The following FCSK variants were observed in gnomAD, a reference collection of about 807,000 sequenced individuals.
FCSK encodes the protein L-fucose kinase.
FCSK carries 123 observed loss-of-function variants against 122.5 expected under a neutral mutation model. That is an observed-to-expected ratio of 1.00 (90% CI 0.87 to 1.17). The LOEUF is 1.17. Among genes scored for constraint, FCSK ranks in the 50% most tolerant of loss-of-function variants. FCSK has a pLI of 0.00. For missense variants in FCSK, 1,366 were observed against 1,450.4 expected, an observed-to-expected ratio of 0.94 and a Z score of 0.95; for synonymous variants, 620 against 625.5, an observed-to-expected ratio of 0.99 and a Z score of 0.13.
intron 14 of FCSK, 97 bp downstream of exon 14, chr16:70,472,702 G>C (rs2048666933): frequency 9.6e-7 from 1 of 1,037,664 alleles, no homozygotes; most frequent in Admixed American, 2.5e-5. Context: ...AGCAGCACGG[G>C]CCGTGTTACC....
At position 70,471,243 on chromosome 16, in the gene FCSK, C is replaced by T; in HGVS notation, c.1232C>T (p.Ala411Val). 1.9e-6 allele frequency: 3 copies of T among 1,610,748 alleles called. No homozygotes were observed. Among genetic ancestry groups the T allele is most frequent in the Non-Finnish European group, 2.5e-6 (3 of 1,179,224 alleles). ...VTGLDTAHSK[A>V]LHGRELRDLV... is the part of the protein sequence containing the mutation. ...GGCCTGGATACAGCCCACTCCAAGG[C>T]CCTGCATGGCCGGGAGCTGCGTGAC... Residue 411 changes from alanine (A) to valine (V), a missense_variant, in exon 13 of 24, where the codon GCC becomes GTC. Ala to Val is a moderately conservative substitution (Grantham distance 64). Coordinates refer to ENST00000288078, the MANE Select transcript of FCSK (RefSeq NM_145059.3).
chr16:70,458,351 G>T (rs763232215), intron 1 of FCSK, among the ~76,000 whole-genome samples: 10 of 151,260 alleles, frequency 6.6e-5, no homozygotes, highest in Non-Finnish European at 1.3e-4. Flanking sequence ...GTAGAGATGG[G>T]GTTTCACCAT....
rs1324343235 is a variant in FCSK at position 70,471,034 on chromosome 16, C to G, written c.1132C>G (p.Leu378Val). The part of the protein sequence containing the change: ...VSCLLEGPVQ[L>V]GPGSVLQHCH... ...CTGCCTGCTGGAGGGCCCTGTCCAG[C>G]TGGGTCCTGGGAGCGTCCTGCAGCA... Residue 378 changes from leucine to valine, a missense_variant, in exon 12 of 24, where the codon CTG becomes GTG. Coordinates refer to ENST00000288078, the MANE Select transcript of FCSK (RefSeq NM_145059.3). 1 of 1,602,942 alleles carries G rather than the reference C, an allele frequency of 6.2e-7. No homozygotes were observed. The highest frequency in any genetic ancestry group is 1.3e-5 in the African/African-American group (1 of 74,890).
chr16:70,470,615 G>A (rs1172883810), intron 11 of FCSK, among the ~76,000 whole-genome samples, 189 bp downstream of exon 11: 3 of 152,222 alleles, frequency 2.0e-5, no homozygotes, highest in African/African-American at 7.2e-5. Context: ...GCCAGTAAGT[G>A]GCCAACTCAG....
intron 15 of FCSK, 88 bp from the exon 16 acceptor site, chr16:70,474,041 C>A: frequency 8.0e-7 from 1 of 1,256,648 alleles, no homozygotes; most frequent in Non-Finnish European, 1.1e-6. Flanking sequence ...GGGTCTGGCG[C>A]ATTTAGGGAC....
In FCSK at chr16:70,466,112, A is replaced by G; in HGVS notation, c.286-20A>G. 1.9e-6 allele frequency: 3 copies of G among 1,612,276 alleles called. No homozygotes were observed. Among genetic ancestry groups the G allele is most frequent in the Non-Finnish European group, 2.5e-6 (3 of 1,178,782 alleles). On this transcript the variant is annotated intron_variant, in intron 4 of 23. Transcript: ENST00000288078. ...GGGCTCTGTGCACTGAGGCTTCCTC[A>G]CCAGTCCCCCGACTTCCAGGGTCGA... is the stretch of plus-strand genomic sequence containing the variant.
At position 70,479,123 on chromosome 16, in the gene FCSK, C is replaced by T. The variant is rs2151734038; in HGVS notation, c.2930-57C>T. The T allele has an allele frequency of 8.3e-6, 11 of 1,331,366 alleles. 1 individual carries two copies. The highest frequency in any genetic ancestry group is 2.5e-4 in the Middle Eastern group (1 of 3,984). 82.5% of individuals were successfully genotyped at this position (1,331,366 alleles called of 1,614,324 possible). ...ACGTCTTGGCACTTCATGCAATCTCCAGATGGGTGCTGAGTATCTTGGCCC... is the reference window on the plus strand; with the variant it reads ...ACGTCTTGGCACTTCATGCAATCTCTAGATGGGTGCTGAGTATCTTGGCCC... On this transcript the variant is annotated intron_variant, in intron 22 of 23. Coordinates refer to ENST00000288078, the MANE Select transcript of FCSK (RefSeq NM_145059.3).
chr16:70,466,583 G>A, intron 5 of FCSK: 1 of 507,398 alleles, frequency 2.0e-6, no homozygotes, highest in East Asian at 3.4e-5. Context: ...TGTAGTCCCA[G>A]CTACTCAAGA....
chr16:70,473,211 T>TCGCCGGGACCTGTTCTTC lies in FCSK; in HGVS notation c.1640_1657dup (p.Arg547_Arg552dup), dbSNP rs757877162. The TCGCCGGGACCTGTTCTTC allele has an allele frequency of 4.6e-6, 7 of 1,536,764 alleles. 1 individual carries two copies. In the South Asian group the frequency reaches 8.3e-5, roughly 18 times the overall value. ...TGGATCGGGCTGCCACGCTGGCCTCTCGCCGGGACCTGTTCTTCCGCCAGG... is the reference window on the plus strand; with the variant it reads ...TGGATCGGGCTGCCACGCTGGCCTCTCGCCGGGACCTGTTCTTCCGCCGGGACCTGTTCTTCCGCCAGG... On this transcript the variant is annotated inframe_insertion, in exon 15 of 24. Transcript: ENST00000288078. The surrounding 1 kb of genome is among the most constrained non-coding windows in gnomAD (Gnocchi z 4.9).
In FCSK at chr16:70,463,244, C is replaced by G. The variant is rs763503298; in HGVS notation, c.54C>G (p.Tyr18Ter). The G allele has an allele frequency of 5.0e-6, 8 of 1,614,026 alleles. No individual in the cohort carries two copies. In the South Asian group the frequency reaches 7.7e-5, roughly 16 times the overall value. Residue 18 changes from tyrosine (Y) to a stop codon, truncating the protein, a stop_gained, in exon 2 of 24, where the codon TAC (tyrosine) becomes TAG (stop). Coordinates refer to ENST00000288078, the MANE Select transcript of FCSK (RefSeq NM_145059.3). LOFTEE classifies it high-confidence loss of function. ...DWTVIILTCQ[Y>*]KDSVQVFQRE... ...CAGTCATCATCCTGACCTGCCAGTA[C>G]AAGGACAGTGTCCAGGTCTTTCAGA... is the stretch of plus-strand genomic sequence containing the variant.
Position 70,479,635 on chromosome 16 carries a change from GA to G in FCSK, c.3212del (p.Lys1071SerfsTer129). The G allele has an allele frequency of 6.2e-7, 1 of 1,614,168 alleles. No individual in the cohort carries two copies. The highest frequency in any genetic ancestry group is 1.1e-5 in the South Asian group (1 of 91,082). On this transcript the variant is annotated frameshift_variant, in exon 24 of 24. Coordinates refer to ENST00000288078, the MANE Select transcript of FCSK (RefSeq NM_145059.3). LOFTEE classifies it low-confidence loss of function (END_TRUNC). ...AAGTGGACACTCAGGGCCTGAGCCT[GA>G]AGCTGCTGGGGACCGAGGCCTCAAC... ...VEVDTQGLSL[K>X]LLGTEASTCC...
chr16:70,475,564 C>T, intron 19 of FCSK, 71 bp downstream of exon 19: 2 of 1,586,680 alleles, frequency 1.3e-6, no homozygotes, highest in Non-Finnish European at 8.6e-7. Flanking sequence ...ATCCCCCTTC[C>T]TGGCCTCTGC....
chr16:70,455,086 A>T (rs549581022), intron 1 of FCSK: 4 of 152,192 alleles, frequency 2.6e-5, no homozygotes, highest in Non-Finnish European at 5.9e-5. Flanking sequence ...CTCCCAAGTA[A>T]CTTCTTTCGG....
In FCSK at chr16:70,473,192, G is replaced by A. The variant is rs757830335; in HGVS notation, c.1616G>A (p.Arg539Gln). ...GAGCAGCTGCAGCCGTGCCTGGATC[G>A]GGCTGCCACGCTGGCCTCTCGCCGG... Reference protein sequence around the residue: ...SWEQLQPCLDRAATLASRRDL... With the variant: ...SWEQLQPCLDQAATLASRRDL... The change falls in exon 15 of 24, where the codon CGG becomes CAG. Residue 539 changes from arginine to glutamine, a missense_variant. Arg to Gln is a conservative substitution (Grantham distance 43, BLOSUM62 1). Coordinates refer to ENST00000288078, the MANE Select transcript of FCSK (RefSeq NM_145059.3). This position sits in a 1 kb window ranked among gnomAD's most constrained non-coding sequence, Gnocchi z 4.9. 14 of 1,538,796 alleles carry A rather than the reference G, an allele frequency of 9.1e-6. No homozygotes were observed. Among genetic ancestry groups the A allele is most frequent in the South Asian group, 4.8e-5 (4 of 83,976 alleles).
chr16:70,469,045 C>T, intron 9 of FCSK, 77 bp downstream of exon 9: 2 of 1,606,158 alleles, frequency 1.2e-6, no homozygotes, highest in South Asian at 1.1e-5. Context: ...GCCACTTCCC[C>T]TCTCTGGGGC....
chr16:70,467,543 C>T (rs1176366938), intron 7 of FCSK, 72 bp downstream of exon 7: 2 of 1,148,356 alleles, frequency 1.7e-6, no homozygotes, highest in Non-Finnish European at 2.5e-6. Flanking sequence ...TCCTCCCTGT[C>T]AGTGGGCAGC....
In FCSK at chr16:70,474,825, C is replaced by T; in HGVS notation, c.2191C>T (p.Leu731Phe). 1.3e-6 allele frequency: 2 copies of T among 1,590,376 alleles called. No homozygotes were observed. Among genetic ancestry groups the T allele is most frequent in the South Asian group, 1.1e-5 (1 of 88,002 alleles). ...WSDTPPLAYE[L>F]GGAVLGLAVR... ...TGACACGCCACCCCTTGCCTATGAG[C>T]TTGGCGGGGCTGTGCTGGGCCTGGC... The change falls in exon 18 of 24, where the codon CTT (leucine) becomes TTT (phenylalanine). Residue 731 changes from leucine (L) to phenylalanine (F), a missense_variant. Leu to Phe is a conservative substitution (Grantham distance 22). Coordinates refer to ENST00000288078, the MANE Select transcript of FCSK (RefSeq NM_145059.3).
At chr16:70,464,423 G>A (rs1181889305) in intron 3 of FCSK, among the ~76,000 whole-genome samples, 1 of 152,130 alleles carries the variant, frequency 6.6e-6, no homozygotes, top group African/African-American at 2.4e-5. Flanking sequence ...AGGCCGAGGT[G>A]GGTGGATCAC....
chr16:70,472,884 G>T, intron 14 of FCSK, 99 bp from the exon 15 acceptor site: 1 of 1,416,038 alleles, frequency 7.1e-7, no homozygotes, highest in Non-Finnish European at 9.4e-7. Context: ...CCTCGGAGGA[G>T]TCTGTCCTGT....
Sources: gnomAD v4.1 joint callset for allele counts (sites outside exome capture counted in the v4.1 genomes callset) on GRCh38, gnomAD v4.1.1 for gene constraint, Gnocchi (gnomAD v3.1) non-coding constraint, MANE v1.5 for transcripts, NCBI Gene and HGNC (gene_info 2026-07-23, HGNC 2026-07-21) for gene names.